ADGRB3: variants seen among roughly 807,000 people sequenced by gnomAD.
ADGRB3 encodes adhesion G protein-coupled receptor B3.
ADGRB3 carries 37 observed loss-of-function variants against 193.4 expected under a neutral mutation model. The ratio of observed to expected loss-of-function variants is 0.19; its 90% CI spans 0.15 to 0.25. The LOEUF (loss-of-function observed/expected upper bound fraction) is 0.25, where lower values mean the gene tolerates loss of function less well. ADGRB3 is among the 10% of genes least tolerant of loss of function. ADGRB3 has a pLI of 1.00. For synonymous variants in ADGRB3, 690 were observed against 644.2 expected, an observed-to-expected ratio of 1.07 and a Z score of -1.08; for missense variants, 1,637 against 1,852.9, an observed-to-expected ratio of 0.88 and a Z score of 2.14.
chr6:68,952,708 G>T (rs1297332032), intron 6 of ADGRB3, among the ~76,000 whole-genome samples: 2 of 152,090 alleles, frequency 1.3e-5, no homozygotes, highest in African/African-American at 2.4e-5. Flanking sequence ...AGGATCTTTT[G>T]GTTCTCAGTG....
At chr6:69,277,726 T>C (rs1273257601) in intron 20 of ADGRB3, among the ~76,000 whole-genome samples, 1 of 152,174 alleles carries the variant, frequency 6.6e-6, no homozygotes, top group Non-Finnish European at 1.5e-5. Context: ...AAAAGAGAAA[T>C]GGCGATTAAG....
At chr6:69,059,447 G>T (rs538217918) in intron 15 of ADGRB3, among the ~76,000 whole-genome samples, 1 of 152,086 alleles carries the variant, frequency 6.6e-6, no homozygotes, top group African/African-American at 2.4e-5. Flanking sequence ...AACTTCTTAA[G>T]ACTCTGCAAA....
At chr6:68,992,365 T>C (rs756137120) in intron 10 of ADGRB3, among the ~76,000 whole-genome samples, 3 of 152,150 alleles carry the variant, frequency 2.0e-5, no homozygotes, top group Non-Finnish European at 4.4e-5. Context: ...TACAGCCTGG[T>C]ACAAAGTAGA....
intron 3 of ADGRB3, among the ~76,000 whole-genome samples, chr6:68,806,785 G>T (rs1767408725): frequency 6.6e-6 from 1 of 151,754 alleles, no homozygotes; most frequent in Non-Finnish European, 1.5e-5. Context: ...TACCTTTTTG[G>T]ACTGTTGGAA....
chr6:68,848,098 C>T (rs749183553), intron 3 of ADGRB3, among the ~76,000 whole-genome samples: 14 of 151,426 alleles, frequency 9.2e-5, no homozygotes, highest in Non-Finnish European at 1.3e-4. Flanking sequence ...AAATCAGTCA[C>T]TTAATAAAAA....
intron 3 of ADGRB3, among the ~76,000 whole-genome samples, chr6:68,842,590 AAAG>A (rs1281475830): frequency 1.3e-5 from 2 of 152,022 alleles, no homozygotes; most frequent in African/African-American, 4.8e-5. Flanking sequence ...CAAAACATTT[AAAG>A]AAGAAGTAAT....
intron 3 of ADGRB3, among the ~76,000 whole-genome samples, chr6:68,823,987 T>G (rs1210637786): frequency 3.9e-5 from 6 of 152,184 alleles, no homozygotes; most frequent in Admixed American, 6.5e-5. Flanking sequence ...TGCCCTGGTA[T>G]GCTGAAGATT....
At chr6:69,111,917 T>G (rs1773377327) in intron 17 of ADGRB3, among the ~76,000 whole-genome samples, 1 of 152,218 alleles carries the variant, frequency 6.6e-6, no homozygotes, top group African/African-American at 2.4e-5. Flanking sequence ...TAGGTCATTT[T>G]GAGTTGTTGT....
chr6:69,063,627 T>A (rs2150308249), intron 16 of ADGRB3, among the ~76,000 whole-genome samples: 1 of 152,068 alleles, frequency 6.6e-6, no homozygotes, highest in Non-Finnish European at 1.5e-5. Context: ...CGTGTAGAAA[T>A]ACTAAGTCAA....
intron 30 of ADGRB3, among the ~76,000 whole-genome samples, chr6:69,380,085 G>A (rs1769915762): frequency 6.6e-6 from 1 of 151,842 alleles, no homozygotes; most frequent in Admixed American, 6.6e-5. Flanking sequence ...TTCTGAATTA[G>A]GTACTACCCA....
chr6:69,306,109 G>A (rs981409550), intron 20 of ADGRB3, among the ~76,000 whole-genome samples: 4 of 151,510 alleles, frequency 2.6e-5, no homozygotes, highest in Non-Finnish European at 5.9e-5. Flanking sequence ...TGAGGGTTCA[G>A]TAACCAATCC....
intron 21 of ADGRB3, 21 bp from the exon 22 acceptor site, chr6:69,327,799 G>T: frequency 3.1e-6 from 5 of 1,600,044 alleles, no homozygotes; most frequent in Non-Finnish European, 4.3e-6. Context: ...ATATGAATGC[G>T]TGACATTGCT....
intron 3 of ADGRB3, among the ~76,000 whole-genome samples, chr6:68,683,407 G>T (rs1016544736): frequency 6.6e-6 from 1 of 151,966 alleles, no homozygotes. Context: ...CAAAAATTTT[G>T]TTGATTTGGA....
At position 69,121,939 on chromosome 6, in the gene ADGRB3, G is replaced by A. The variant is rs566484865; in HGVS notation, c.2480+45901G>A. Among the ~76,000 whole-genome samples, 717 of 150,792 alleles carry A rather than the reference G, an allele frequency of 4.8e-3. 4 individuals carry two copies. Among genetic ancestry groups the A allele is most frequent in the Middle Eastern group, 0.021 (6 of 292 alleles). Reference sequence around the variant, plus strand: ...GCGCTCCTCTCATCCCAGACTGGGCGGCTGGGCAGAGGCGCTCCTCACATC... The same window carrying A: ...GCGCTCCTCTCATCCCAGACTGGGCAGCTGGGCAGAGGCGCTCCTCACATC... On this transcript the variant is annotated intron_variant, in intron 17 of 31. Transcript: ENST00000370598.
At chr6:69,159,756 A>G (rs1475987188) in intron 17 of ADGRB3, among the ~76,000 whole-genome samples, 1 of 152,136 alleles carries the variant, frequency 6.6e-6, no homozygotes, top group Admixed American at 6.6e-5. Context: ...ATTAATATCT[A>G]TAGCATCATC....
In ADGRB3 at chr6:69,031,519, C is replaced by CTCTT. The variant is rs201301230; in HGVS notation, c.2107+13050_2107+13053dup. Among the ~76,000 whole-genome samples, 74 of 21,266 alleles carry CTCTT rather than the reference C, an allele frequency of 3.5e-3. 5 individuals are homozygous for CTCTT. Among genetic ancestry groups the CTCTT allele is most frequent in the African/African-American group, 8.3e-3 (70 of 8,430 alleles). The allele number at this position is 21,266 out of a possible 152,430, so 14.0% of individuals were successfully genotyped here. A position where few individuals can be genotyped will look rare whatever the true frequency, so the allele number is the denominator to read the frequency against. On this transcript the variant is annotated intron_variant, in intron 13 of 31. Transcript: ENST00000370598. The stretch of plus-strand genomic sequence containing the variant: ...CACAAACATTTTGAATTTGAGTTGT[C>CTCTT]TCTTTCTTTCTTTCTTTCTTTCTTT...
rs534707069 is a variant in ADGRB3 at position 68,835,002 on chromosome 6, A to G, written c.758-95557A>G. On this transcript the variant is annotated intron_variant, in intron 3 of 31. Coordinates refer to ENST00000370598, the MANE Select transcript of ADGRB3 (RefSeq NM_001704.3). ...AATCCAAGCATTTAAAAACTATAGA[A>G]CGTATTTATTTATATAATATCAATT... Among the ~76,000 whole-genome samples the G allele has an allele frequency of 1.8e-4, 28 of 152,276 alleles. 2 individuals are homozygous for G. The East Asian group carries it at 4.6e-3, about 25-fold the overall frequency.
intron 17 of ADGRB3, among the ~76,000 whole-genome samples, chr6:69,211,344 A>G (rs1209843106): frequency 5.3e-5 from 8 of 152,194 alleles, no homozygotes; most frequent in Non-Finnish European, 1.2e-4. Flanking sequence ...GTGGAATATC[A>G]TACAAGCTGT....
chr6:68,926,829 T>G (rs1363990239), intron 3 of ADGRB3, among the ~76,000 whole-genome samples: 1 of 152,186 alleles, frequency 6.6e-6, no homozygotes, highest in Non-Finnish European at 1.5e-5. Context: ...AACTGATAAT[T>G]GACTATCAAA....
Sources: allele counts gnomAD v4.1 joint callset (sites outside exome capture counted in the v4.1 genomes callset), GRCh38; gene constraint gnomAD v4.1.1; transcripts MANE v1.5; gene names NCBI Gene and HGNC (gene_info 2026-07-23, HGNC 2026-07-21).